MAPKAP1: variants seen among roughly 807,000 people sequenced by gnomAD.
The protein encoded by MAPKAP1 is target of rapamycin complex 2 subunit MAPKAP1.
MAPKAP1 carries 20 observed loss-of-function variants against 65.7 expected under a neutral mutation model. The ratio of observed to expected loss-of-function variants is 0.30; its 90% CI spans 0.21 to 0.44. The LOEUF (loss-of-function observed/expected upper bound fraction) is 0.44. MAPKAP1 is among the 20% of genes least tolerant of loss of function. The pLI, the probability that MAPKAP1 is intolerant of heterozygous loss-of-function variation, is 1.00. For synonymous variants in MAPKAP1, 222 were observed against 244.3 expected, an observed-to-expected ratio of 0.91 and a Z score of 0.85; for missense variants, 423 against 648.0, an observed-to-expected ratio of 0.65 and a Z score of 3.77.
At chr9:125,553,285 C>T (rs1830637094) in intron 6 of MAPKAP1, among the ~76,000 whole-genome samples, 1 of 152,092 alleles carries the variant, frequency 6.6e-6, no homozygotes, top group South Asian at 2.1e-4. Context: ...TGCCTGTAAT[C>T]CCAGGGGAGG....
At chr9:125,669,570 G>C (rs1223631651) in intron 3 of MAPKAP1, among the ~76,000 whole-genome samples, 1 of 152,074 alleles carries the variant, frequency 6.6e-6, no homozygotes, top group Non-Finnish European at 1.5e-5. Flanking sequence ...TGACATGACA[G>C]CTTGTAAAAA....
intron 3 of MAPKAP1, among the ~76,000 whole-genome samples, chr9:125,659,282 C>T (rs547973252): frequency 1.3e-5 from 2 of 152,278 alleles, no homozygotes; most frequent in African/African-American, 4.8e-5. Context: ...AGAGATGTTA[C>T]TACTAGCTCC....
intron 4 of MAPKAP1, among the ~76,000 whole-genome samples, chr9:125,656,557 A>T (rs1400407251): frequency 6.6e-6 from 1 of 152,182 alleles, no homozygotes; most frequent in African/African-American, 2.4e-5. Context: ...AACCTGCTGA[A>T]TTGTAGGAAG....
At chr9:125,659,717 T>A (rs76922111) in intron 3 of MAPKAP1, among the ~76,000 whole-genome samples, 3 of 144,588 alleles carry the variant, frequency 2.1e-5, no homozygotes. Context: ...CACTGCTCAT[T>A]AAAAAAAAAA....
At chr9:125,458,179 G>A (rs1211044447) in intron 10 of MAPKAP1, among the ~76,000 whole-genome samples, 2 of 149,868 alleles carry the variant, frequency 1.3e-5, no homozygotes, top group Non-Finnish European at 3.0e-5. Context: ...AGGCTAATCT[G>A]GTCGAAGTTA....
At chr9:125,572,057 T>C (rs1315933551) in intron 5 of MAPKAP1, among the ~76,000 whole-genome samples, 1 of 152,252 alleles carries the variant, frequency 6.6e-6, no homozygotes, top group Non-Finnish European at 1.5e-5. Context: ...GCATTCTTAA[T>C]TTATGGCAAT....
chr9:125,521,661 G>C (rs560919705), intron 7 of MAPKAP1: 1 of 1,553,274 alleles, frequency 6.4e-7, no homozygotes, highest in Admixed American at 2.1e-5. Flanking sequence ...GATGGCAAAG[G>C]TTTCTGACAT....
At chr9:125,505,216 C>T (rs1195113559) in intron 8 of MAPKAP1, among the ~76,000 whole-genome samples, 1 of 152,076 alleles carries the variant, frequency 6.6e-6, no homozygotes, top group Non-Finnish European at 1.5e-5. Context: ...CGGATCACCA[C>T]GTCAGGAGAT....
At chr9:125,544,673 A>T (rs1830369358) in intron 6 of MAPKAP1, among the ~76,000 whole-genome samples, 2 of 152,258 alleles carry the variant, frequency 1.3e-5, no homozygotes, top group African/African-American at 4.8e-5. Flanking sequence ...ACTATGGAAC[A>T]TGGGAATTGC....
intron 4 of MAPKAP1, among the ~76,000 whole-genome samples, chr9:125,641,545 A>G (rs1833577788): frequency 3.3e-5 from 5 of 152,206 alleles, no homozygotes; most frequent in Admixed American, 3.3e-4. Flanking sequence ...CTTCTGTTTC[A>G]TTATTATTGT....
intron 3 of MAPKAP1, among the ~76,000 whole-genome samples, chr9:125,664,838 G>T (rs982430389): frequency 6.6e-6 from 1 of 151,970 alleles, no homozygotes; most frequent in African/African-American, 2.4e-5. Flanking sequence ...GGAGGGAGCA[G>T]AGCAGAGTAG....
chr9:125,567,609 T>C (rs996390810), intron 5 of MAPKAP1: 3 of 152,178 alleles, frequency 2.0e-5, no homozygotes, highest in African/African-American at 7.2e-5. Flanking sequence ...AGCCATTCTT[T>C]TATTCCTTTT....
At chr9:125,585,162 T>C (rs1210400591) in intron 5 of MAPKAP1, among the ~76,000 whole-genome samples, 4 of 152,028 alleles carry the variant, frequency 2.6e-5, no homozygotes, top group Non-Finnish European at 5.9e-5. Context: ...TGAGGATCAT[T>C]ACCCTCACCT....
At chr9:125,693,668 T>TATACACGTATACATACACACAC (rs1835265636) in intron 1 of MAPKAP1, among the ~76,000 whole-genome samples, 1 of 129,384 alleles carries the variant, frequency 7.7e-6, no homozygotes, top group Admixed American at 7.9e-5. Flanking sequence ...TACACACACA[T>TATACACGTATACATACACACAC]ATACACGTAT....
chr9:125,662,817 ATAT>A (rs1348899937), intron 3 of MAPKAP1, among the ~76,000 whole-genome samples: 1 of 152,062 alleles, frequency 6.6e-6, no homozygotes, highest in African/African-American at 2.4e-5. Context: ...TATTAAAATA[ATAT>A]TAATTTTTTG....
At chr9:125,530,693 T>C (rs1829909447) in intron 7 of MAPKAP1, among the ~76,000 whole-genome samples, 1 of 152,232 alleles carries the variant, frequency 6.6e-6, no homozygotes, top group African/African-American at 2.4e-5. Context: ...CAAAATAAAG[T>C]GTGCTTCCAG....
At chr9:125,688,133 C>G (rs1835039777) in intron 1 of MAPKAP1, among the ~76,000 whole-genome samples, 1 of 152,042 alleles carries the variant, frequency 6.6e-6, no homozygotes, top group African/African-American at 2.4e-5. Flanking sequence ...TCTAGACTAT[C>G]TCATTTTTTT....
At chr9:125,603,747 C>T (rs1175217650) in intron 4 of MAPKAP1, among the ~76,000 whole-genome samples, 1 of 152,086 alleles carries the variant, frequency 6.6e-6, no homozygotes, top group South Asian at 2.1e-4. Flanking sequence ...TGGATTTCCT[C>T]GGAAGGCTGC....
At chr9:125,559,406 C>A in intron 6 of MAPKAP1, 1 of 384,478 alleles carries the variant, frequency 2.6e-6, no homozygotes, top group Non-Finnish European at 4.7e-6. Flanking sequence ...GTTCAGAGAT[C>A]TGCTTCACAC....
Sources: gnomAD v4.1 joint callset for allele counts (sites outside exome capture counted in the v4.1 genomes callset) on GRCh38, gnomAD v4.1.1 for gene constraint, MANE v1.5 for transcripts, NCBI Gene and HGNC (gene_info 2026-07-23, HGNC 2026-07-21) for gene names.